The following RCBTB1 variants were observed in gnomAD, a reference collection of about 807,000 sequenced individuals.
RCBTB1 encodes RCC1 and BTB domain-containing protein 1.
A neutral mutation model predicts 62.4 loss-of-function variants in RCBTB1; 46 were observed. That is an observed-to-expected ratio of 0.74 (90% CI 0.58 to 0.94). RCBTB1 has a LOEUF of 0.94. Ranked by LOEUF, RCBTB1 falls within the 40% of genes least tolerant of loss-of-function variation. The pLI, the probability that RCBTB1 is intolerant of heterozygous loss-of-function variation, is 0.00. For missense variants in RCBTB1, 565 were observed against 654.9 expected, an observed-to-expected ratio of 0.86 and a Z score of 1.50; for synonymous variants, 222 against 245.8, an observed-to-expected ratio of 0.90 and a Z score of 0.91.
At chr13:49,541,868 T>C in intron 10 of RCBTB1, 41 bp from the exon 11 acceptor site, 1 of 1,552,690 alleles carries the variant, frequency 6.4e-7, no homozygotes, top group South Asian at 1.2e-5. Flanking sequence ...TCAGCAGCAA[T>C]TTTTAAAAAA....
chr13:49,547,080 C>A, intron 9 of RCBTB1: 1 of 1,277,362 alleles, frequency 7.8e-7, no homozygotes, highest in Admixed American at 2.5e-5. Flanking sequence ...AAGATGTGTA[C>A]AGAAGTGCTT....
At chr13:49,538,735 T>C (rs1444554322) in intron 12 of RCBTB1, among the ~76,000 whole-genome samples, 1 of 143,416 alleles carries the variant, frequency 7.0e-6, no homozygotes, top group Non-Finnish European at 1.5e-5. Flanking sequence ...AAAAAATACA[T>C]ACAAATTATG....
At chr13:49,548,226 C>T (rs1352344135) in intron 9 of RCBTB1, among the ~76,000 whole-genome samples, 1 of 151,754 alleles carries the variant, frequency 6.6e-6, no homozygotes, top group Non-Finnish European at 1.5e-5. Flanking sequence ...TCTGTCTCTA[C>T]TAAAAATATA....
At position 49,541,955 on chromosome 13, in the gene RCBTB1, C is replaced by T; in HGVS notation, c.1173-128G>A. On this transcript the variant is annotated intron_variant, in intron 10 of 12. Coordinates refer to ENST00000378302, the MANE Select transcript of RCBTB1 (RefSeq NM_018191.4). The stretch of plus-strand genomic sequence containing the variant: ...CTTGGGCCGGGCGTGGTGGCTCATG[C>T]CTGTAATCCCAGCACTTTGGGAGGC... 11 of 1,034,986 alleles carry T rather than the reference C, an allele frequency of 1.1e-5. No homozygotes were observed. In the South Asian group the frequency reaches 1.7e-4, roughly 16 times the overall value. The allele number at this position is 1,034,986 out of a possible 1,614,324, so 64.1% of individuals were successfully genotyped here.
chr13:49,560,015 A>G lies in RCBTB1; in HGVS notation c.347T>C (p.Ile116Thr). The part of the protein sequence containing the change: ...QLGNGTTNQG[I>T]APVQVCTNLL... ...ATTGGTACAGACCTGGACGGGAGCA[A>G]TGCCTTGGTTGGTCGTCCCATTCCC... The change falls in exon 5 of 13, where the codon ATT (isoleucine) becomes ACT (threonine). Residue 116 changes from isoleucine (I) to threonine (T), a missense_variant. Transcript: ENST00000378302. The G allele has an allele frequency of 6.2e-7, 1 of 1,614,200 alleles. No homozygotes were observed. Among genetic ancestry groups the G allele is most frequent in the Non-Finnish European group, 8.5e-7 (1 of 1,180,024 alleles).
intron 2 of RCBTB1, among the ~76,000 whole-genome samples, chr13:49,569,107 G>A (rs7981237): frequency 0.22 from 33,886 of 152,028 alleles, 4,678 homozygotes; most frequent in East Asian, 0.55. Context: ...TCTGCACCCA[G>A]GCAACCTGAA....
At chr13:49,575,958 C>T (rs751079361) in intron 2 of RCBTB1, among the ~76,000 whole-genome samples, 7 of 152,084 alleles carry the variant, frequency 4.6e-5, no homozygotes, top group African/African-American at 7.2e-5. Flanking sequence ...GAGGCCAAGA[C>T]GAGCAGATCA....
intron 4 of RCBTB1, among the ~76,000 whole-genome samples, chr13:49,564,003 A>G (rs1307109937): frequency 6.6e-6 from 1 of 152,240 alleles, no homozygotes; most frequent in Non-Finnish European, 1.5e-5. Flanking sequence ...AGAGAAAGAG[A>G]GCAAGAGTTA....
At chr13:49,551,825 G>A (rs923661081) in intron 7 of RCBTB1, among the ~76,000 whole-genome samples, 3 of 151,276 alleles carry the variant, frequency 2.0e-5, no homozygotes, top group Admixed American at 1.3e-4. Flanking sequence ...GCGTGAACTC[G>A]GGAGGCGGAG....
intron 2 of RCBTB1, among the ~76,000 whole-genome samples, chr13:49,571,885 CATAATT>C (rs1963422388): frequency 6.6e-6 from 1 of 152,116 alleles, no homozygotes; most frequent in African/African-American, 2.4e-5. Flanking sequence ...CATTAAGGAT[CATAATT>C]ATATCAACCT....
chr13:49,542,044 G>A (rs887733907), intron 10 of RCBTB1, among the ~76,000 whole-genome samples: 3 of 151,896 alleles, frequency 2.0e-5, no homozygotes, highest in African/African-American at 4.8e-5. Context: ...GATAAACCCC[G>A]TCTCTACTAA....
chr13:49,555,848 G>C (rs1304372320), intron 5 of RCBTB1, among the ~76,000 whole-genome samples, 175 bp from the exon 6 acceptor site: 2 of 152,162 alleles, frequency 1.3e-5, no homozygotes, highest in African/African-American at 4.8e-5. Flanking sequence ...ATCCTGCAAA[G>C]TGACCCTAGA....
chr13:49,576,449 T>C (rs371654556), intron 2 of RCBTB1, among the ~76,000 whole-genome samples: 1 of 152,132 alleles, frequency 6.6e-6, no homozygotes, highest in South Asian at 2.1e-4. Flanking sequence ...GTTTCAGTCC[T>C]AAAAAATGTG....
Position 49,532,140 on chromosome 13 carries a change from T to C in RCBTB1, c.*1982A>G, listed in dbSNP as rs1959607810. ...ATCAATTCAAATAAGAGTTGTCATATCCTGCTATGATTAACAAAAAAACAA... is the reference window on the plus strand; with the variant it reads ...ATCAATTCAAATAAGAGTTGTCATACCCTGCTATGATTAACAAAAAAACAA... On this transcript the variant is annotated 3_prime_UTR_variant, in exon 13 of 13. Coordinates refer to ENST00000378302, the MANE Select transcript of RCBTB1 (RefSeq NM_018191.4). 1 of 152,514 alleles carries C rather than the reference T, an allele frequency of 6.6e-6. No homozygotes were observed. Among genetic ancestry groups the C allele is most frequent in the African/African-American group, 2.4e-5 (1 of 41,416 alleles). The allele number at this position is 152,514 out of a possible 1,614,324, so 9.4% of individuals were successfully genotyped here. A position where few individuals can be genotyped will look rare whatever the true frequency, so the allele number is the denominator to read the frequency against.
chr13:49,564,583 C>CAAAAAAAAAAAAAAAAAAAAA (rs10710755), intron 4 of RCBTB1, among the ~76,000 whole-genome samples: 1 of 39,326 alleles, frequency 2.5e-5, no homozygotes, highest in African/African-American at 1.3e-4. Context: ...GACTCCTTCT[C>CAAAAAAAAAAAAAAAAAAAAA]AAAAAAAAAA....
rs146299784 is a variant in RCBTB1 at position 49,576,309 on chromosome 13, T to C, written c.-42+4196A>G. ...GACTAAAATGTGTAATTAAAAATCATTAAAATGGTAAATTTTACACTATAT... is the reference window on the plus strand; with the variant it reads ...GACTAAAATGTGTAATTAAAAATCACTAAAATGGTAAATTTTACACTATAT... On this transcript the variant is annotated intron_variant, in intron 2 of 12. Transcript: ENST00000378302. Among the ~76,000 whole-genome samples, 3 of 151,892 alleles carry C rather than the reference T, an allele frequency of 2.0e-5. No homozygotes were observed. In the East Asian group the frequency reaches 5.8e-4, roughly 29 times the overall value.
intron 2 of RCBTB1, among the ~76,000 whole-genome samples, chr13:49,576,165 C>T (rs1359650024): frequency 4.0e-4 from 41 of 102,412 alleles, no homozygotes; most frequent in Non-Finnish European, 5.9e-4. Context: ...CCAGCCTGGG[C>T]GACAGGCGTC....
rs1350446127 is a variant in RCBTB1 at position 49,555,534 on chromosome 13, G to C, written c.584C>G (p.Ala195Gly). Residue 195 changes from alanine to glycine, a missense_variant, in exon 6 of 13, where the codon GCT (alanine) becomes GGT (glycine). Ala to Gly is a moderately conservative substitution (Grantham distance 60). Coordinates refer to ENST00000378302, the MANE Select transcript of RCBTB1 (RefSeq NM_018191.4). The stretch of plus-strand genomic sequence containing the variant: ...CCTCACCTCGCCATTGTCCAGAACA[G>C]CCATGGATGAAGTCTGACCACAGGC... Reference protein sequence around the residue: ...GIACGQTSSMAVLDNGEVYGW... With the variant: ...GIACGQTSSMGVLDNGEVYGW... 2 of 1,613,788 alleles carry C rather than the reference G, an allele frequency of 1.2e-6. No individual in the cohort carries two copies. The highest frequency in any genetic ancestry group is 2.7e-5 in the African/African-American group (2 of 74,928).
At chr13:49,539,894 G>A (rs1414445434) in intron 12 of RCBTB1, among the ~76,000 whole-genome samples, 1 of 152,168 alleles carries the variant, frequency 6.6e-6, no homozygotes, top group Non-Finnish European at 1.5e-5. Flanking sequence ...ATCCCTATGT[G>A]TGATGAAGTG....
Sources: allele counts gnomAD v4.1 joint callset (sites outside exome capture counted in the v4.1 genomes callset), GRCh38; gene constraint gnomAD v4.1.1; transcripts MANE v1.5; gene names NCBI Gene and HGNC (gene_info 2026-07-23, HGNC 2026-07-21).